The following ZNF423 variants were observed in gnomAD, a reference collection of about 807,000 sequenced individuals.
ZNF423 encodes the protein zinc finger protein 423.
Under a neutral mutation model 95.8 loss-of-function variants are expected in ZNF423, and 12 were observed. That is an observed-to-expected ratio of 0.13 (90% CI 0.08 to 0.20). The LOEUF is 0.20. Ranked by LOEUF, ZNF423 falls within the 10% of genes least tolerant of loss-of-function variation. The probability of loss-of-function intolerance (pLI) is 1.00; values close to 1 mark genes in which losing one functional copy is unlikely to be tolerated. For missense variants in ZNF423, 1,316 were observed against 1,737.1 expected (o/e 0.76, Z 4.31); for synonymous variants, 749 against 711.9 (o/e 1.05, Z -0.83).
chr16:49,487,862 C>T lies in ZNF423; in HGVS notation c.*3413G>A, dbSNP rs1966870352. 1 of 152,282 alleles carries T rather than the reference C, an allele frequency of 6.6e-6. No individual in the cohort carries two copies. The allele number at this position is 152,282 out of a possible 1,614,324, so 9.4% of individuals were successfully genotyped here. ...GTCTCAAGCCCCTGCCTCAGCAAGG[C>T]CTTCCTTAATGCACCCCTGTGTCTC... On this transcript the variant is annotated 3_prime_UTR_variant, in exon 8 of 8. Coordinates refer to ENST00000563137, the MANE Select transcript of ZNF423 (RefSeq NM_001379286.1).
chr16:49,780,832 A>G (rs929505977), intron 2 of ZNF423, among the ~76,000 whole-genome samples: 29 of 152,260 alleles, frequency 1.9e-4, no homozygotes, highest in Admixed American at 1.6e-3. Context: ...AATGCATTTC[A>G]TAAGTCTTTA....
At chr16:49,795,445 C>G (rs1567346829) in intron 1 of ZNF423, among the ~76,000 whole-genome samples, 1 of 152,216 alleles carries the variant, frequency 6.6e-6, no homozygotes, top group Non-Finnish European at 1.5e-5. Context: ...AGGCACTGAA[C>G]AGAAAACTCT....
intron 5 of ZNF423, among the ~76,000 whole-genome samples, chr16:49,586,204 G>C (rs1017836502): frequency 6.6e-6 from 1 of 152,060 alleles, no homozygotes; most frequent in Non-Finnish European, 1.5e-5. Context: ...ACCTCTTCCC[G>C]CCTGCGTCGC....
intron 7 of ZNF423, among the ~76,000 whole-genome samples, chr16:49,513,831 T>C (rs1968007367): frequency 6.6e-6 from 1 of 151,982 alleles, no homozygotes; most frequent in Admixed American, 6.6e-5. Flanking sequence ...TCCGAGAGGC[T>C]TCTCAGGGGA....
chr16:49,789,336 A>G, intron 2 of ZNF423, 151 bp downstream of exon 2: 1 of 638,242 alleles, frequency 1.6e-6, no homozygotes, highest in South Asian at 2.1e-5. Context: ...TGGAACTGAT[A>G]TAAAAATCGT....
At chr16:49,681,495 T>C (rs1343535282) in intron 3 of ZNF423, among the ~76,000 whole-genome samples, 2 of 152,214 alleles carry the variant, frequency 1.3e-5, no homozygotes, top group African/African-American at 2.4e-5. Context: ...ATGGGGCAGA[T>C]GTATAAACCT....
chr16:49,813,333 G>A (rs1469178633), intron 1 of ZNF423, among the ~76,000 whole-genome samples: 11 of 152,088 alleles, frequency 7.2e-5, no homozygotes, highest in Admixed American at 1.3e-4. Context: ...GAGGTGGCAG[G>A]ACAGGCCACC....
rs1016082706 is a variant in ZNF423, at chr16:49,855,304, C to A, written c.40+431G>T. 6.6e-6 allele frequency among the ~76,000 whole-genome samples: 1 copy of A among 151,552 alleles called. No homozygotes were observed. Among genetic ancestry groups the A allele is most frequent in the African/African-American group, 2.4e-5 (1 of 41,330 alleles). On this transcript the variant is annotated intron_variant, in intron 1 of 7. Coordinates refer to ENST00000563137, the MANE Select transcript of ZNF423 (RefSeq NM_001379286.1). The surrounding 1 kb of genome is among the most constrained non-coding windows in gnomAD (Gnocchi z 4.7). ...CGGCCTGCCGGGCGCCCGTCCTCGCCGCCTCTTCCTTCCTCCTGTCGCCCG... is the reference window on the plus strand; with the variant it reads ...CGGCCTGCCGGGCGCCCGTCCTCGCAGCCTCTTCCTTCCTCCTGTCGCCCG...
intron 5 of ZNF423, among the ~76,000 whole-genome samples, chr16:49,619,947 C>A (rs974768667): frequency 6.6e-6 from 1 of 152,152 alleles, no homozygotes; most frequent in Admixed American, 6.5e-5. Context: ...ACCAGAGACT[C>A]CTTCCCCTCC....
chr16:49,513,234 A>G (rs1393807321), intron 7 of ZNF423, among the ~76,000 whole-genome samples: 1 of 152,162 alleles, frequency 6.6e-6, no homozygotes, highest in African/African-American at 2.4e-5. Flanking sequence ...CACTCCCTGG[A>G]ACCACCACTG....
intron 2 of ZNF423, among the ~76,000 whole-genome samples, chr16:49,754,661 A>G (rs1012940334): frequency 1.3e-5 from 2 of 152,200 alleles, no homozygotes; most frequent in African/African-American, 4.8e-5. Flanking sequence ...GCCGTAACAC[A>G]TGTGCACCAA....
intron 3 of ZNF423, among the ~76,000 whole-genome samples, chr16:49,719,603 G>A (rs1458620375): frequency 6.6e-6 from 1 of 152,086 alleles, no homozygotes; most frequent in Non-Finnish European, 1.5e-5. Flanking sequence ...TGCTGTGCTG[G>A]TGATGAGTGA....
intron 2 of ZNF423, among the ~76,000 whole-genome samples, chr16:49,779,962 A>G (rs1160903451): frequency 2.6e-5 from 4 of 152,134 alleles, no homozygotes; most frequent in Admixed American, 6.5e-5. Flanking sequence ...GCGCTGCAAA[A>G]TCTCAATGCC....
intron 1 of ZNF423, among the ~76,000 whole-genome samples, chr16:49,839,553 C>G (rs2035160949): frequency 6.6e-6 from 1 of 152,352 alleles, no homozygotes; most frequent in African/African-American, 2.4e-5. Context: ...ATTGAGAGGC[C>G]TGCATGTCTG....
chr16:49,654,189 A>G (rs910545415), intron 3 of ZNF423, among the ~76,000 whole-genome samples: 5 of 152,196 alleles, frequency 3.3e-5, no homozygotes, highest in African/African-American at 9.6e-5. Flanking sequence ...AAAGATGTAT[A>G]CCGAGCATGC....
chr16:49,568,370 A>G (rs1970257650), intron 5 of ZNF423, among the ~76,000 whole-genome samples: 1 of 152,104 alleles, frequency 6.6e-6, no homozygotes, highest in Non-Finnish European at 1.5e-5. Context: ...AGGAGGACCA[A>G]CAGCTGGAGA....
At chr16:49,707,853 C>G (rs192943781) in intron 3 of ZNF423, among the ~76,000 whole-genome samples, 1 of 151,994 alleles carries the variant, frequency 6.6e-6, no homozygotes, top group Non-Finnish European at 1.5e-5. Context: ...AGCTCTGTCA[C>G]GCAGGCTAAT....
chr16:49,572,846 A>G (rs192856806), intron 5 of ZNF423, among the ~76,000 whole-genome samples: 1 of 152,340 alleles, frequency 6.6e-6, no homozygotes, highest in African/African-American at 2.4e-5. Context: ...AGAGCTGTGG[A>G]GAGACTCAAC....
At chr16:49,799,828 C>T (rs1207880421) in intron 1 of ZNF423, among the ~76,000 whole-genome samples, 1 of 152,164 alleles carries the variant, frequency 6.6e-6, no homozygotes, top group African/African-American at 2.4e-5. Context: ...CTCACTGTGT[C>T]ATTCAGGCTG....
Sources: gnomAD v4.1 joint callset for allele counts (sites outside exome capture counted in the v4.1 genomes callset) on GRCh38, gnomAD v4.1.1 for gene constraint, Gnocchi (gnomAD v3.1) non-coding constraint, MANE v1.5 for transcripts, NCBI Gene and HGNC (gene_info 2026-07-23, HGNC 2026-07-21) for gene names.